The following TNFRSF1B variants were observed in gnomAD, a reference collection of about 807,000 sequenced individuals.
The protein encoded by TNFRSF1B is tumor necrosis factor receptor superfamily member 1B.
In TNFRSF1B, 19 loss-of-function variants were observed where a neutral mutation model predicts 44.6. The ratio of observed to expected loss-of-function variants is 0.43; its 90% CI spans 0.30 to 0.62. TNFRSF1B has a LOEUF of 0.62. Ranked by LOEUF, TNFRSF1B falls within the 20% of genes least tolerant of loss-of-function variation. The probability of loss-of-function intolerance (pLI) is 0.16; values close to 1 mark genes in which losing one functional copy is unlikely to be tolerated. For synonymous variants in TNFRSF1B, 252 were observed against 261.1 expected, an observed-to-expected ratio of 0.97 and a Z score of 0.34; for missense variants, 541 against 619.9, an observed-to-expected ratio of 0.87 and a Z score of 1.35.
chr1:12,193,133 C>T, intron 6 of TNFRSF1B, 35 bp downstream of exon 6: 1 of 1,522,740 alleles, frequency 6.6e-7, no homozygotes. Flanking sequence ...TTCACTCCTT[C>T]TGTCTGCCTG....
intron 1 of TNFRSF1B, among the ~76,000 whole-genome samples, chr1:12,181,336 G>A (rs1638799474): frequency 6.6e-6 from 1 of 152,162 alleles, no homozygotes; most frequent in Admixed American, 6.5e-5. Context: ...CAGGGCCTTT[G>A]CAGGCCCCTT....
intron 1 of TNFRSF1B, among the ~76,000 whole-genome samples, chr1:12,170,919 T>C (rs1362696049): frequency 6.6e-6 from 1 of 151,698 alleles, no homozygotes; most frequent in Admixed American, 6.6e-5. Flanking sequence ...CAAGTGATCC[T>C]CCCGCCTCAG....
At position 12,183,727 on chromosome 1, in the gene TNFRSF1B, A is replaced by AT. The variant is rs1638891753; in HGVS notation, c.79-5068dup. 8.5e-4 allele frequency among the ~76,000 whole-genome samples: 103 copies of AT among 121,222 alleles called. 3 individuals are homozygous for AT. Among genetic ancestry groups the AT allele is most frequent in the African/African-American group, 2.8e-3 (95 of 34,248 alleles). 79.5% of individuals were successfully genotyped at this position (121,222 alleles called of 152,430 possible). A position where few individuals can be genotyped will look rare whatever the true frequency, so the allele number is the denominator to read the frequency against. On this transcript the variant is annotated intron_variant, in intron 1 of 9. Transcript: ENST00000376259. ...ATCTATCTATTCTATCTACCTATCT[A>AT]TCTATCTATCTATCTATCTATCTAG...
intron 2 of TNFRSF1B, 144 bp from the exon 3 acceptor site, chr1:12,190,813 G>A: frequency 4.4e-6 from 4 of 913,048 alleles, no homozygotes; most frequent in Non-Finnish European, 6.6e-6. Flanking sequence ...TACTAGATGG[G>A]AGATGATTCT....
chr1:12,170,792 G>C (rs1638504560), intron 1 of TNFRSF1B, among the ~76,000 whole-genome samples: 1 of 151,158 alleles, frequency 6.6e-6, no homozygotes, highest in Non-Finnish European at 1.5e-5. Context: ...TCAGCCTCCA[G>C]AGTAGCTGGG....
chr1:12,174,154 T>TCTTCTTCTC (rs1638588753), intron 1 of TNFRSF1B, among the ~76,000 whole-genome samples: 4 of 73,996 alleles, frequency 5.4e-5, no homozygotes, highest in East Asian at 4.5e-4. Flanking sequence ...TTCTTCTTCT[T>TCTTCTTCTC]CTTCTTCTTC....
intron 1 of TNFRSF1B, 84 bp from the exon 2 acceptor site, chr1:12,188,712 T>G: frequency 1.5e-6 from 2 of 1,298,034 alleles, no homozygotes; most frequent in Non-Finnish European, 2.2e-6. Flanking sequence ...GGGCCAAACA[T>G]TTGCAGGGCG....
intron 1 of TNFRSF1B, among the ~76,000 whole-genome samples, chr1:12,183,337 C>T (rs1638852196): frequency 6.6e-6 from 1 of 152,120 alleles, no homozygotes; most frequent in Non-Finnish European, 1.5e-5. Flanking sequence ...GGTGGCTTTG[C>T]CTTTTTCCAT....
At chr1:12,191,428 C>T (rs17880213) in intron 3 of TNFRSF1B, among the ~76,000 whole-genome samples, 26 of 150,898 alleles carry the variant, frequency 1.7e-4, no homozygotes, top group Non-Finnish European at 3.4e-4. Flanking sequence ...AGCGGGACTT[C>T]GGGGAGGAGC....
intron 6 of TNFRSF1B, 199 bp downstream of exon 6, chr1:12,193,297 A>G: frequency 1.4e-6 from 1 of 695,444 alleles, no homozygotes; most frequent in Non-Finnish European, 2.6e-6. Flanking sequence ...CGTGGGCTGG[A>G]TGCAGTGGCT....
intron 2 of TNFRSF1B, among the ~76,000 whole-genome samples, chr1:12,189,723 T>C (rs1450153571): frequency 6.6e-6 from 1 of 152,296 alleles, no homozygotes; most frequent in African/African-American, 2.4e-5. Flanking sequence ...GTCCTGTCTA[T>C]CTGTAAGTGC....
At chr1:12,167,225 G>T in intron 1 of TNFRSF1B, 56 bp downstream of exon 1, 1 of 1,205,016 alleles carries the variant, frequency 8.3e-7, no homozygotes, top group Non-Finnish European at 1.0e-6. Flanking sequence ...CACCCGGCTG[G>T]TGCGCAGCCT....
At position 12,207,217 on chromosome 1, in the gene TNFRSF1B, A is replaced by G; in HGVS notation, c.*197A>G. 1 of 509,918 alleles carries G rather than the reference A, an allele frequency of 2.0e-6. No individual in the cohort carries two copies. The highest frequency in any genetic ancestry group is 3.3e-6 in the Non-Finnish European group (1 of 303,426). The allele number at this position is 509,918 out of a possible 1,614,324, so 31.6% of individuals were successfully genotyped here. ...AAGAGCAGAGGCAGCGAGTTGTGGA[A>G]AGCCTCTGCTGCCATGGCGTGTCCC... is the stretch of plus-strand genomic sequence containing the variant. On this transcript the variant is annotated 3_prime_UTR_variant, in exon 10 of 10. Coordinates refer to ENST00000376259, the MANE Select transcript of TNFRSF1B (RefSeq NM_001066.3).
chr1:12,205,618 T>A (rs1279988223), intron 9 of TNFRSF1B, among the ~76,000 whole-genome samples: 1 of 151,992 alleles, frequency 6.6e-6, no homozygotes, highest in African/African-American at 2.4e-5. Flanking sequence ...GCAGAAGTCA[T>A]CTTTTGTTTT....
At chr1:12,191,691 C>T in intron 3 of TNFRSF1B, 83 bp from the exon 4 acceptor site, 1 of 1,574,774 alleles carries the variant, frequency 6.4e-7, no homozygotes, top group South Asian at 1.1e-5. Context: ...GATCCGCTGT[C>T]TGAGAGTGCT....
chr1:12,179,698 T>C (rs1304584743), intron 1 of TNFRSF1B, among the ~76,000 whole-genome samples: 2 of 152,114 alleles, frequency 1.3e-5, no homozygotes, highest in Non-Finnish European at 2.9e-5. Context: ...GATCACAGGG[T>C]ACAAAACTGT....
chr1:12,192,750 G>T, intron 5 of TNFRSF1B, 113 bp from the exon 6 acceptor site: 1 of 995,364 alleles, frequency 1.0e-6, no homozygotes. Flanking sequence ...GGTCCTCAGA[G>T]AGGGCACACA....
chr1:12,182,955 C>T (rs1638843964), intron 1 of TNFRSF1B, among the ~76,000 whole-genome samples: 1 of 152,244 alleles, frequency 6.6e-6, no homozygotes, highest in African/African-American at 2.4e-5. Flanking sequence ...CTCTCTGGGC[C>T]CCAAGAGAAG....
chr1:12,173,918 GC>G (rs1429460490), intron 1 of TNFRSF1B, among the ~76,000 whole-genome samples: 1 of 152,170 alleles, frequency 6.6e-6, no homozygotes, highest in Non-Finnish European at 1.5e-5. Context: ...TTGGCTGTGA[GC>G]CCCGGAGGAG....
Sources: gnomAD v4.1 joint callset for allele counts (sites outside exome capture counted in the v4.1 genomes callset) on GRCh38, gnomAD v4.1.1 for gene constraint, MANE v1.5 for transcripts, NCBI Gene and HGNC (gene_info 2026-07-23, HGNC 2026-07-21) for gene names.